Variants in CTNNA3 observed in about 807,000 individuals in gnomAD.
CTNNA3 encodes catenin alpha-3.
A neutral mutation model predicts 95.7 loss-of-function variants in CTNNA3; 76 were observed. That is an observed-to-expected ratio of 0.79 (90% CI 0.66 to 0.96). The LOEUF (loss-of-function observed/expected upper bound fraction) is 0.96. CTNNA3 is among the 40% of genes least tolerant of loss of function. The pLI, the probability that CTNNA3 is intolerant of heterozygous loss-of-function variation, is 0.00. For synonymous variants in CTNNA3, 431 were observed against 374.4 expected, an observed-to-expected ratio of 1.15 and a Z score of -1.74; for missense variants, 1,191 against 1,089.8, an observed-to-expected ratio of 1.09 and a Z score of -1.31.
chr10:66,727,013 C>T (rs111590063), intron 9 of CTNNA3, among the ~76,000 whole-genome samples: 1 of 152,002 alleles, frequency 6.6e-6, no homozygotes, highest in Non-Finnish European at 1.5e-5. Context: ...TTTAAAAGCA[C>T]CAGCATAATG....
Position 67,750,633 on chromosome 10 carries a change from G to T in CTNNA3, c.-2+12801C>A. ...CTTATTCACTAGCACAGGGATACAA[G>T]TCTGGGGATGATTTTTTCCGCAAAG... On this transcript the variant is annotated intron_variant, in intron 1 of 17. Transcript: ENST00000684154. 1.9e-6 allele frequency: 3 copies of T among 1,547,494 alleles called. No individual in the cohort carries two copies. In the Admixed American group the frequency reaches 5.0e-5, roughly 26 times the overall value.
At chr10:66,507,712 A>T (rs575321308) in intron 11 of CTNNA3, among the ~76,000 whole-genome samples, 20 of 108,846 alleles carry the variant, frequency 1.8e-4, no homozygotes, top group Non-Finnish European at 2.2e-5. Flanking sequence ...TCTGTTGTGT[A>T]TATATATATA....
At chr10:65,946,412 T>C (rs929303650) in intron 17 of CTNNA3, among the ~76,000 whole-genome samples, 9 of 151,754 alleles carry the variant, frequency 5.9e-5, no homozygotes, top group Non-Finnish European at 1.3e-4. Flanking sequence ...AATCTCTCTG[T>C]CTCTGTCTCT....
chr10:67,430,549 T>G (rs936307645), intron 5 of CTNNA3, among the ~76,000 whole-genome samples: 1 of 151,908 alleles, frequency 6.6e-6, no homozygotes, highest in Admixed American at 6.6e-5. Flanking sequence ...TTTTTTACTT[T>G]CCTAATACAA....
intron 11 of CTNNA3, among the ~76,000 whole-genome samples, chr10:66,397,727 G>C: frequency 6.6e-6 from 1 of 151,740 alleles, no homozygotes. Flanking sequence ...ATGTACATGG[G>C]TAAACAATGC....
intron 1 of CTNNA3, among the ~76,000 whole-genome samples, chr10:67,736,488 C>T (rs906957445): frequency 7.5e-6 from 1 of 133,764 alleles, no homozygotes; most frequent in African/African-American, 2.9e-5. Context: ...CGGAGTCTCT[C>T]TCTGTCACCC....
chr10:67,567,877 T>C (rs184398436), intron 3 of CTNNA3, among the ~76,000 whole-genome samples: 238 of 152,282 alleles, frequency 1.6e-3, no homozygotes, highest in African/African-American at 5.3e-3. Flanking sequence ...AGAAGCTAAC[T>C]ATAGCTCTCC....
intron 7 of CTNNA3, among the ~76,000 whole-genome samples, chr10:67,103,968 G>C (rs1320425156): frequency 6.6e-6 from 1 of 151,580 alleles, no homozygotes; most frequent in Non-Finnish European, 1.5e-5. Flanking sequence ...GTAGACATTT[G>C]AAAGAAAAAT....
At chr10:66,607,712 A>T (rs1439024925) in intron 10 of CTNNA3, among the ~76,000 whole-genome samples, 2 of 152,168 alleles carry the variant, frequency 1.3e-5, no homozygotes, top group African/African-American at 4.8e-5. Context: ...GATTATCTCA[A>T]TAGATGCAGA....
rs558182700 is a variant in CTNNA3 at position 66,052,973 on chromosome 10, T to C, written c.2159+16335A>G. 5.9e-5 allele frequency among the ~76,000 whole-genome samples: 9 copies of C among 152,190 alleles called. No homozygotes were observed. In the South Asian group the frequency reaches 1.9e-3, roughly 31 times the overall value. On this transcript the variant is annotated intron_variant, in intron 15 of 17. Coordinates refer to ENST00000433211, the MANE Select transcript of CTNNA3 (RefSeq NM_013266.4). ...TCATTTCTGAAAAAAATTCTATGCA[T>C]AGAATATATTCATTAAAGTACTGTA...
At chr10:66,214,034 G>T (rs1305400198) in intron 13 of CTNNA3, among the ~76,000 whole-genome samples, 1 of 152,150 alleles carries the variant, frequency 6.6e-6, no homozygotes, top group Non-Finnish European at 1.5e-5. Context: ...ATTTTGAAAG[G>T]ATTGTGTTTG....
chr10:66,442,164 C>A (rs1180777989), intron 11 of CTNNA3, among the ~76,000 whole-genome samples: 1 of 152,046 alleles, frequency 6.6e-6, no homozygotes, highest in Admixed American at 6.6e-5. Context: ...ACAGCATTTA[C>A]AGTATATTAG....
chr10:66,942,672 C>T (rs1206876017), intron 7 of CTNNA3, among the ~76,000 whole-genome samples: 1 of 151,488 alleles, frequency 6.6e-6, no homozygotes, highest in Non-Finnish European at 1.5e-5. Flanking sequence ...CTCTCTCTTT[C>T]CTTTCTCTAC....
At chr10:66,782,561 T>C (rs1364011824) in intron 7 of CTNNA3, among the ~76,000 whole-genome samples, 1 of 152,022 alleles carries the variant, frequency 6.6e-6, no homozygotes, top group East Asian at 1.9e-4. Context: ...ATTTCCACTA[T>C]ATCTGTGAGA....
chr10:66,404,167 A>G (rs184515982), intron 11 of CTNNA3, among the ~76,000 whole-genome samples: 250 of 152,174 alleles, frequency 1.6e-3, no homozygotes, highest in Middle Eastern at 0.014. Flanking sequence ...TCAGAGGCAG[A>G]CTCAGTACCT....
chr10:65,922,303 T>C (rs1186630770), intron 17 of CTNNA3, among the ~76,000 whole-genome samples: 7 of 152,214 alleles, frequency 4.6e-5, no homozygotes. Flanking sequence ...GTAATGCATG[T>C]TGCTACCAGG....
At chr10:66,852,680 A>G (rs905917269) in intron 7 of CTNNA3, among the ~76,000 whole-genome samples, 1 of 152,162 alleles carries the variant, frequency 6.6e-6, no homozygotes, top group Admixed American at 6.5e-5. Flanking sequence ...TCTAACACAT[A>G]TACTCAATAG....
intron 11 of CTNNA3, among the ~76,000 whole-genome samples, chr10:66,499,806 C>CTTTTTTTTTTT (rs34040723): frequency 2.1e-5 from 3 of 140,670 alleles, no homozygotes; most frequent in African/African-American, 8.0e-5. Context: ...GTTGCATTTC[C>CTTTTTTTTTTT]TTTTTTTTTT....
Position 66,950,406 on chromosome 10 carries a change from A to G in CTNNA3, c.1048-174882T>C, listed in dbSNP as rs74792682. ...ATGCTTAAGGCAGGTTTTGAGATAT[A>G]CTATATGTTTAATAAATGTCTGTTT... On this transcript the variant is annotated intron_variant, in intron 7 of 17. Transcript: ENST00000433211. Among the ~76,000 whole-genome samples, 1,267 of 152,222 alleles carry G rather than the reference A, an allele frequency of 8.3e-3. 8 individuals are homozygous for G. Among genetic ancestry groups the G allele is most frequent in the Middle Eastern group, 0.017 (5 of 294 alleles).
Sources: gnomAD v4.1 joint callset for allele counts (sites outside exome capture counted in the v4.1 genomes callset) on GRCh38, gnomAD v4.1.1 for gene constraint, MANE v1.5 for transcripts, NCBI Gene and HGNC (gene_info 2026-07-23, HGNC 2026-07-21) for gene names.